FRMPD3: variants seen among roughly 807,000 people sequenced by gnomAD.
FRMPD3 encodes FERM and PDZ domain containing 3.
Under a neutral mutation model 97.9 loss-of-function variants are expected in FRMPD3, and 42 were observed. The ratio of observed to expected loss-of-function variants is 0.43; its 90% CI spans 0.34 to 0.55. The LOEUF is 0.55. FRMPD3 is among the 20% of genes least tolerant of loss of function. The probability of loss-of-function intolerance (pLI) is 0.03; values close to 1 mark genes in which losing one functional copy is unlikely to be tolerated. For missense variants in FRMPD3, 1,303 were observed against 1,457.7 expected (o/e 0.89, Z 1.73); for synonymous variants, 577 against 581.1 (o/e 0.99, Z 0.10).
intron 1 of FRMPD3, among the ~76,000 whole-genome samples, chrX:107,481,082 A>G (rs1268017078): frequency 1.8e-5 from 2 of 111,671 alleles, no homozygotes; most frequent in South Asian, 7.6e-4. Context: ...GCTCTCTGAA[A>G]GGTGACCCAG....
chrX:107,449,738 G>T lies in FRMPD3; in HGVS notation c.-275G>T, dbSNP rs2147883219. On this transcript the variant is annotated 5_prime_UTR_variant, in exon 1 of 15. Coordinates refer to ENST00000683843, the MANE Select transcript of FRMPD3 (RefSeq NM_001388459.1). ...TGAAGCCCGCCCGAGGAGCCCGCGC[G>T]CGCTCCTGCCATCCTGCCCGCAGCC... is the stretch of plus-strand genomic sequence containing the variant. Among the ~76,000 whole-genome samples, 1 of 109,408 alleles carries T rather than the reference G, an allele frequency of 9.1e-6. No homozygotes were observed. The highest frequency in any genetic ancestry group is 9.5e-5 in the Admixed American group (1 of 10,547).
rs764476177 is a variant in FRMPD3, at chrX:107,602,398, C to T, written c.4359C>T (p.Tyr1453=). ...CACCGACGCTGGGAGACCCCTCCTACGTCCAGGTTGCCCCAGAGACCAAAG... is the reference window on the plus strand; with the variant it reads ...CACCGACGCTGGGAGACCCCTCCTATGTCCAGGTTGCCCCAGAGACCAAAG... ...LESPTLGDPS[Y]VQVAPETKGP... Residue 1453 remains tyrosine, a synonymous_variant, in exon 15 of 15, where the codon TAC becomes TAT. Coordinates refer to ENST00000683843, the MANE Select transcript of FRMPD3 (RefSeq NM_001388459.1). The T allele has an allele frequency of 1.6e-5, 19 of 1,210,567 alleles. No homozygotes were observed. The East Asian group carries it at 2.4e-4, about 15-fold the overall frequency.
In FRMPD3 at chrX:107,602,630, G is replaced by A; in HGVS notation, c.4591G>A (p.Asp1531Asn). The change falls in exon 15 of 15, where the codon GAC (aspartate) becomes AAC (asparagine). Residue 1531 changes from aspartate (D) to asparagine (N), a missense_variant. Asp to Asn is a conservative substitution (Grantham distance 23, BLOSUM62 1). Around this residue, in one of 3 missense-constraint regions of FRMPD3, gnomAD observed 764 missense variants for 820.2 expected, o/e 0.93. Coordinates refer to ENST00000683843, the MANE Select transcript of FRMPD3 (RefSeq NM_001388459.1). ...GAAGATCCTGCCTGGCATGAAGCTG[G>A]ACGAGCAGGTGGTGCCTGTGGTGAG... ...PMKILPGMKL[D>N]EQVVPVVSRT... 1.7e-6 allele frequency: 2 copies of A among 1,211,199 alleles called. No individual in the cohort carries two copies. Among genetic ancestry groups the A allele is most frequent in the Non-Finnish European group, 2.2e-6 (2 of 895,488 alleles).
At chrX:107,468,968 T>C (rs915456314) in intron 1 of FRMPD3, among the ~76,000 whole-genome samples, 1 of 112,624 alleles carries the variant, frequency 8.9e-6, no homozygotes, top group Non-Finnish European at 1.9e-5. Flanking sequence ...CAAACATTGA[T>C]GATTTTCAGG....
chrX:107,462,972 G>C (rs1018176036), intron 1 of FRMPD3, among the ~76,000 whole-genome samples: 5 of 111,953 alleles, frequency 4.5e-5, no homozygotes, highest in African/African-American at 1.6e-4. Context: ...CTCAGCTCCA[G>C]GCGCAGCTCA....
At chrX:107,539,729 A>G (rs1201629083) in intron 4 of FRMPD3, among the ~76,000 whole-genome samples, 12 of 111,631 alleles carry the variant, frequency 1.1e-4, no homozygotes, top group Non-Finnish European at 2.1e-4. Flanking sequence ...AATTTTAGCA[A>G]TCAACTAATA....
chrX:107,577,162 TAAAAAAAAAA>T (rs1170985688), intron 13 of FRMPD3, among the ~76,000 whole-genome samples: 5 of 32,069 alleles, frequency 1.6e-4, no homozygotes, highest in South Asian at 2.3e-3. Flanking sequence ...CTGTCTCTAC[TAAAAAAAAAA>T]AAAAAAAAAA....
chrX:107,567,186 A>G (rs1040384726), intron 12 of FRMPD3, among the ~76,000 whole-genome samples: 9 of 111,057 alleles, frequency 8.1e-5, no homozygotes, highest in Non-Finnish European at 1.9e-5. Context: ...GGGTCTTGCT[A>G]TGTTGCCCAG....
chrX:107,556,533 C>T (rs1922091631), intron 8 of FRMPD3, among the ~76,000 whole-genome samples: 1 of 111,263 alleles, frequency 9.0e-6, no homozygotes, highest in East Asian at 2.8e-4. Context: ...ACGTTTTGAC[C>T]TATGTTTATG....
chrX:107,600,448 C>T lies in FRMPD3; in HGVS notation c.2409C>T (p.Leu803=). 1.7e-6 allele frequency: 2 copies of T among 1,210,684 alleles called. No individual in the cohort carries two copies. Among genetic ancestry groups the T allele is most frequent in the African/African-American group, 3.5e-5 (2 of 57,775 alleles). ...CCACCTACTTCCTGGCCCAGCACCT[C>T]AACAAGGACAGCCTCCTTGCCCGCA... ...QNTTYFLAQH[L]NKDSLLARKD... The change falls in exon 15 of 15, where the codon CTC becomes CTT. Residue 803 remains leucine (L), a synonymous_variant. Coordinates refer to ENST00000683843, the MANE Select transcript of FRMPD3 (RefSeq NM_001388459.1).
chrX:107,493,812 T>C (rs994710094), intron 1 of FRMPD3, among the ~76,000 whole-genome samples: 2 of 112,113 alleles, frequency 1.8e-5, no homozygotes, highest in Non-Finnish European at 3.8e-5. Flanking sequence ...TCTCCAATTA[T>C]ATGTTAAAAG....
intron 13 of FRMPD3, among the ~76,000 whole-genome samples, chrX:107,582,726 G>A (rs182356152): frequency 8.9e-6 from 1 of 112,212 alleles, no homozygotes; most frequent in African/African-American, 3.2e-5. Flanking sequence ...TGATCTATAC[G>A]TCTATCCTTA....
At position 107,603,888 on chromosome X, in the gene FRMPD3, TGC is replaced by T. The variant is rs1273965323; in HGVS notation, c.*516_*517del. ...CTTGGGCTCACACTCACCTGGTAGA[TGC>T]CACCCTGAGGGCCTGTGCCTGGGTG... is the stretch of plus-strand genomic sequence containing the variant. On this transcript the variant is annotated 3_prime_UTR_variant, in exon 15 of 15. Transcript: ENST00000683843. The T allele has an allele frequency of 8.8e-6, 1 of 113,355 alleles. No homozygotes were observed. The highest frequency in any genetic ancestry group is 1.8e-5 in the Non-Finnish European group (1 of 54,167). The allele number at this position is 113,355 out of a possible 1,213,427, so 9.3% of individuals were successfully genotyped here.
At chrX:107,494,037 G>A (rs1366575876) in intron 1 of FRMPD3, among the ~76,000 whole-genome samples, 2 of 110,894 alleles carry the variant, frequency 1.8e-5, no homozygotes, top group African/African-American at 3.3e-5. Context: ...CAGAGTGCAG[G>A]CAGAAGAGGA....
chrX:107,467,023 T>TGTGTGA (rs1170634963), intron 1 of FRMPD3, among the ~76,000 whole-genome samples: 53 of 98,341 alleles, frequency 5.4e-4, no homozygotes, highest in African/African-American at 1.7e-3. Context: ...TGTGTGTGTG[T>TGTGTGA]GAGAGAGAGA....
intron 1 of FRMPD3, among the ~76,000 whole-genome samples, chrX:107,459,286 G>T (rs1210748346): frequency 8.9e-6 from 1 of 112,528 alleles, no homozygotes; most frequent in African/African-American, 3.2e-5. Context: ...GTAAGAGTGA[G>T]GAAACATCTT....
At chrX:107,467,296 AGT>A (rs1005964260) in intron 1 of FRMPD3, among the ~76,000 whole-genome samples, 3 of 100,844 alleles carry the variant, frequency 3.0e-5, no homozygotes, top group Non-Finnish European at 4.1e-5. Flanking sequence ...TGTGAGTGTG[AGT>A]GTGTGTGTGT....
At chrX:107,454,183 CT>C (rs772349940) in intron 1 of FRMPD3, among the ~76,000 whole-genome samples, 1 of 111,392 alleles carries the variant, frequency 9.0e-6, no homozygotes, top group East Asian at 2.8e-4. Flanking sequence ...GTGACCCCTC[CT>C]TTTTTCTCTT....
intron 1 of FRMPD3, among the ~76,000 whole-genome samples, chrX:107,479,550 T>C (rs1184512328): frequency 9.0e-6 from 1 of 111,378 alleles, no homozygotes; most frequent in Admixed American, 9.6e-5. Flanking sequence ...ATTGTGGTTA[T>C]GTAGGAATGT....
Sources: allele counts gnomAD v4.1 joint callset (sites outside exome capture counted in the v4.1 genomes callset), GRCh38; gene constraint gnomAD v4.1.1; regional missense constraint gnomAD v4.1.1; transcripts MANE v1.5; gene names NCBI Gene and HGNC (gene_info 2026-07-23, HGNC 2026-07-21).